RFLNA: variants seen among roughly 807,000 people sequenced by gnomAD.
RFLNA encodes the protein refilin-A.
A neutral mutation model predicts 7.8 loss-of-function variants in RFLNA; 5 were observed. The observed-to-expected ratio is 0.64, with a 90% CI of 0.34 to 1.35. The LOEUF is 1.35. Ranked by LOEUF, RFLNA falls within the 40% of genes most tolerant of loss-of-function variation. The pLI, the probability that RFLNA is intolerant of heterozygous loss-of-function variation, is 0.04. For missense variants in RFLNA, 278 were observed against 305.5 expected, an observed-to-expected ratio of 0.91 and a Z score of 0.67; for synonymous variants, 141 against 131.3, an observed-to-expected ratio of 1.07 and a Z score of -0.50.
intron 2 of RFLNA, 47 bp downstream of exon 2, chr12:124,311,974 G>A: frequency 1.4e-6 from 2 of 1,444,118 alleles, no homozygotes; most frequent in Non-Finnish European, 1.9e-6. Flanking sequence ...GTGGGGGGTT[G>A]GGTGCTGGTC....
intron 1 of RFLNA, among the ~76,000 whole-genome samples, chr12:124,301,408 A>G (rs2034035863): frequency 6.6e-6 from 1 of 152,200 alleles, no homozygotes; most frequent in South Asian, 2.1e-4. Context: ...TGCATGGGGA[A>G]AATGCTGCCA....
rs2033882538 is a variant in RFLNA, at chr12:124,295,135, C to T, written c.-295C>T. The T allele has an allele frequency of 6.6e-6, 1 of 151,728 alleles. No individual in the cohort carries two copies. The highest frequency in any genetic ancestry group is 1.5e-5 in the Non-Finnish European group (1 of 67,840). The allele number at this position is 151,728 out of a possible 1,614,324, so 9.4% of individuals were successfully genotyped here. A position where few individuals can be genotyped will look rare whatever the true frequency, so the allele number is the denominator to read the frequency against. On this transcript the variant is annotated 5_prime_UTR_variant, in exon 1 of 3. Coordinates refer to ENST00000546355, the MANE Select transcript of RFLNA (RefSeq NM_001365156.1). ...AACGTGCGCCTCGGGGCTGGGCCGG[C>T]CTGCGGGATCGCAGCGCAGCGCAGA...
chr12:124,290,629 T>A (rs1157010846), upstream of RFLNA, among the ~76,000 whole-genome samples: 3 of 152,120 alleles, frequency 2.0e-5, no homozygotes, highest in Non-Finnish European at 4.4e-5. This position sits in a 1 kb window ranked among gnomAD's most constrained non-coding sequence, Gnocchi z 4.0. Context: ...CATGCATAAG[T>A]GTGTGTGTGT....
At chr12:124,295,694 G>A (rs2033896028) in intron 1 of RFLNA, 58 bp downstream of exon 1, 4 of 1,227,014 alleles carry the variant, frequency 3.3e-6, no homozygotes, top group East Asian at 6.3e-5. Context: ...GGTGAGGGCT[G>A]CCCCCAGAGA....
chr12:124,303,833 C>T (rs549570600), intron 1 of RFLNA, among the ~76,000 whole-genome samples: 10 of 152,310 alleles, frequency 6.6e-5, no homozygotes, highest in African/African-American at 2.2e-4. Flanking sequence ...GCGCTGCAGC[C>T]TCACAGACCG....
In RFLNA at chr12:124,309,821, C is replaced by T. The variant is rs558932926; in HGVS notation, c.208-1997C>T. Among the ~76,000 whole-genome samples, 8 of 152,268 alleles carry T rather than the reference C, an allele frequency of 5.3e-5. No individual in the cohort carries two copies. The South Asian group carries it at 1.2e-3, about 24-fold the overall frequency. ...TCACCATGTGTTCCCAACGGGTTGG[C>T]GGTGACTTGAGTGTTGCAGCCACAC... On this transcript the variant is annotated intron_variant, in intron 1 of 2. Transcript: ENST00000546355.
chr12:124,308,125 G>A (rs1402664772), intron 1 of RFLNA, among the ~76,000 whole-genome samples: 1 of 152,126 alleles, frequency 6.6e-6, no homozygotes, highest in Non-Finnish European at 1.5e-5. Context: ...GGGACTACAG[G>A]CGTGCACCAC....
At chr12:124,299,888 T>G (rs1250655069) in intron 1 of RFLNA, among the ~76,000 whole-genome samples, 1 of 152,164 alleles carries the variant, frequency 6.6e-6, no homozygotes, top group African/African-American at 2.4e-5. Flanking sequence ...GCTCTTCTCC[T>G]CCTCCCCGCC....
intron 1 of RFLNA, among the ~76,000 whole-genome samples, chr12:124,305,652 G>A (rs2034124887): frequency 6.6e-6 from 1 of 152,210 alleles, no homozygotes; most frequent in Non-Finnish European, 1.5e-5. Context: ...AAAGCCGGCA[G>A]TGCAGCATCT....
At chr12:124,294,109 C>T (rs1386233560), upstream of RFLNA, among the ~76,000 whole-genome samples, 12 of 152,322 alleles carry the variant, frequency 7.9e-5, no homozygotes, top group South Asian at 8.3e-4. Flanking sequence ...GAATGGGAGC[C>T]TGAGAACATC....
intron 2 of RFLNA, 44 bp from the exon 3 acceptor site, chr12:124,314,147 GC>G (rs757117436): frequency 6.3e-7 from 1 of 1,576,074 alleles, no homozygotes; most frequent in Non-Finnish European, 8.6e-7. Flanking sequence ...GAATCGGGCT[GC>G]CCCCAATCCT....
chr12:124,294,974 G>A (rs1210908357), upstream of RFLNA, among the ~76,000 whole-genome samples: 1 of 152,264 alleles, frequency 6.6e-6, no homozygotes, highest in Admixed American at 6.5e-5. Context: ...GTGCCCAGGA[G>A]CGGGAGGGCC....
At chr12:124,298,899 G>A (rs1166134242) in intron 1 of RFLNA, among the ~76,000 whole-genome samples, 1 of 152,250 alleles carries the variant, frequency 6.6e-6, no homozygotes, top group African/African-American at 2.4e-5. Flanking sequence ...GGCATGGCCT[G>A]TTCGGGTGAT....
At chr12:124,310,713 G>A (rs2034229683) in intron 1 of RFLNA, among the ~76,000 whole-genome samples, 1 of 152,142 alleles carries the variant, frequency 6.6e-6, no homozygotes, top group Admixed American at 6.5e-5. Context: ...TGGAATTTTG[G>A]GACAGACTTT....
At position 124,295,307 on chromosome 12, in the gene RFLNA, C is replaced by T. The variant is rs2135670488; in HGVS notation, c.-123C>T. 5.0e-6 allele frequency: 2 copies of T among 397,432 alleles called. No individual in the cohort carries two copies. The highest frequency in any genetic ancestry group is 7.7e-6 in the Non-Finnish European group (2 of 261,326). The allele number at this position is 397,432 out of a possible 1,614,324, so 24.6% of individuals were successfully genotyped here. On this transcript the variant is annotated 5_prime_UTR_variant, in exon 1 of 3. Coordinates refer to ENST00000546355, the MANE Select transcript of RFLNA (RefSeq NM_001365156.1). Reference sequence around the variant, plus strand: ...GGGGCGCCGGGCCTGATCGCCGCCTCTCGCGGTGCCCGCAGGTCCCCGGGC... The same window carrying T: ...GGGGCGCCGGGCCTGATCGCCGCCTTTCGCGGTGCCCGCAGGTCCCCGGGC...
At chr12:124,309,753 C>T (rs1312104615) in intron 1 of RFLNA, among the ~76,000 whole-genome samples, 2 of 152,210 alleles carry the variant, frequency 1.3e-5, no homozygotes, top group African/African-American at 4.8e-5. Context: ...CATAACATCC[C>T]CAATCTCAAT....
upstream of RFLNA, among the ~76,000 whole-genome samples, chr12:124,294,086 A>G (rs2033862682): frequency 6.6e-6 from 1 of 152,188 alleles, no homozygotes; most frequent in African/African-American, 2.4e-5. Context: ...AGGTCCGGCC[A>G]AGGCTGGGTG....
At position 124,309,953 on chromosome 12, in the gene RFLNA, G is replaced by A. The variant is rs2034208837; in HGVS notation, c.208-1865G>A. 2.6e-5 allele frequency among the ~76,000 whole-genome samples: 4 copies of A among 152,040 alleles called. No individual in the cohort carries two copies. In the South Asian group the frequency reaches 8.3e-4, roughly 31 times the overall value. On this transcript the variant is annotated intron_variant, in intron 1 of 2. Transcript: ENST00000546355. ...AGAGGCCAGGGTAGGAGGATCACTTGAGCCCAGGAATTTGCGATCAGCCTG... is the reference window on the plus strand; with the variant it reads ...AGAGGCCAGGGTAGGAGGATCACTTAAGCCCAGGAATTTGCGATCAGCCTG...
intron 1 of RFLNA, among the ~76,000 whole-genome samples, chr12:124,308,685 A>G (rs2034181005): frequency 6.6e-6 from 1 of 152,252 alleles, no homozygotes; most frequent in East Asian, 1.9e-4. Flanking sequence ...ACAGGCAGAC[A>G]GAGCCAGGGG....
Sources: allele counts gnomAD v4.1 joint callset (sites outside exome capture counted in the v4.1 genomes callset), GRCh38; gene constraint gnomAD v4.1.1; non-coding constraint Gnocchi (gnomAD v3.1); transcripts MANE v1.5; gene names NCBI Gene and HGNC (gene_info 2026-07-23, HGNC 2026-07-21).